The following CELF4 variants were observed in gnomAD, a reference collection of about 807,000 sequenced individuals.
CELF4 encodes CUGBP Elav-like family member 4.
CELF4 carries 18 observed loss-of-function variants against 59.9 expected under a neutral mutation model. That is an observed-to-expected ratio of 0.30 (90% CI 0.21 to 0.45). The LOEUF is 0.45. Ranked by LOEUF, CELF4 falls within the 20% of genes least tolerant of loss-of-function variation. The pLI, the probability that CELF4 is intolerant of heterozygous loss-of-function variation, is 1.00. For synonymous variants in CELF4, 261 were observed against 267.1 expected, an observed-to-expected ratio of 0.98 and a Z score of 0.22; for missense variants, 456 against 689.0, an observed-to-expected ratio of 0.66 and a Z score of 3.79.
At chr18:37,375,215 G>A (rs764180068) in intron 2 of CELF4, among the ~76,000 whole-genome samples, 3 of 152,200 alleles carry the variant, frequency 2.0e-5, no homozygotes, top group Non-Finnish European at 4.4e-5. Flanking sequence ...ACAGATACCT[G>A]CCATAAATCT....
chr18:37,297,812 T>A (rs538828294), intron 3 of CELF4, among the ~76,000 whole-genome samples: 8 of 152,248 alleles, frequency 5.3e-5, no homozygotes, highest in Non-Finnish European at 1.2e-4. Context: ...GTGCCTGGCT[T>A]CTTTCGCTCG....
intron 2 of CELF4, among the ~76,000 whole-genome samples, chr18:37,349,317 C>T (rs3865391): frequency 0.58 from 88,797 of 152,034 alleles, 27,359 homozygotes; most frequent in East Asian, 0.74. Flanking sequence ...AAGAGGGACA[C>T]GTTGGGGGGA....
intron 2 of CELF4, among the ~76,000 whole-genome samples, chr18:37,470,321 C>T (rs1217773793): frequency 6.6e-6 from 1 of 152,186 alleles, no homozygotes; most frequent in East Asian, 1.9e-4. Context: ...GTTACACAGG[C>T]TTTGCATCTG....
chr18:37,515,977 G>A (rs2099950210), intron 1 of CELF4, among the ~76,000 whole-genome samples: 1 of 152,138 alleles, frequency 6.6e-6, no homozygotes, highest in East Asian at 1.9e-4. Context: ...GGTGCATGGA[G>A]GCACTTGATG....
chr18:37,450,256 TGGGA>T (rs2099759475), intron 2 of CELF4, among the ~76,000 whole-genome samples: 1 of 152,018 alleles, frequency 6.6e-6, no homozygotes, highest in Non-Finnish European at 1.5e-5. Context: ...GTGTGAGTGT[TGGGA>T]GGAAGAAGCA....
chr18:37,548,783 G>A (rs1191316106), intron 1 of CELF4, among the ~76,000 whole-genome samples: 1 of 152,226 alleles, frequency 6.6e-6, no homozygotes, highest in Non-Finnish European at 1.5e-5. Context: ...ACTGGTCCGT[G>A]CGGGAGCCAG....
At chr18:37,528,176 A>G (rs1165942492) in intron 1 of CELF4, among the ~76,000 whole-genome samples, 1 of 152,228 alleles carries the variant, frequency 6.6e-6, no homozygotes, top group African/African-American at 2.4e-5. Flanking sequence ...CTGATAATAC[A>G]TAATGTGAGT....
intron 3 of CELF4, among the ~76,000 whole-genome samples, chr18:37,294,360 C>T (rs577335321): frequency 3.9e-5 from 6 of 152,302 alleles, no homozygotes; most frequent in Middle Eastern, 3.4e-3. Context: ...TAGATGTCAC[C>T]AGGAACCTCC....
chr18:37,465,507 C>T (rs2099805566), intron 2 of CELF4, among the ~76,000 whole-genome samples: 1 of 152,068 alleles, frequency 6.6e-6, no homozygotes, highest in Non-Finnish European at 1.5e-5. Context: ...TCAAAGGCCA[C>T]TGGGCAACCC....
intron 12 of CELF4, chr18:37,247,517 G>C (rs983665953): frequency 6.6e-6 from 1 of 152,006 alleles, no homozygotes; most frequent in African/African-American, 2.4e-5. Context: ...CCAGACCACA[G>C]CATCAATCTA....
chr18:37,510,801 C>A (rs891991052), intron 1 of CELF4, among the ~76,000 whole-genome samples: 7 of 152,202 alleles, frequency 4.6e-5, no homozygotes, highest in Non-Finnish European at 1.0e-4. Flanking sequence ...TGCACATGCT[C>A]CCCCTTTCAC....
At chr18:37,385,574 C>T (rs2099090434) in intron 2 of CELF4, among the ~76,000 whole-genome samples, 1 of 152,138 alleles carries the variant, frequency 6.6e-6, no homozygotes, top group Admixed American at 6.5e-5. Context: ...CTCCCCTCCC[C>T]TCCACCTCCC....
intron 8 of CELF4, among the ~76,000 whole-genome samples, chr18:37,270,143 G>A (rs1241573918): frequency 6.6e-6 from 1 of 152,054 alleles, no homozygotes; most frequent in South Asian, 2.1e-4. Context: ...GAGGAAAAAA[G>A]GTAATCAGGA....
intron 1 of CELF4, among the ~76,000 whole-genome samples, chr18:37,545,107 G>T (rs1163049305): frequency 1.3e-5 from 2 of 152,210 alleles, no homozygotes; most frequent in African/African-American, 4.8e-5. Flanking sequence ...AAGGGTCAGG[G>T]TCTGGCCTCA....
chr18:37,482,924 G>T (rs1603642324), intron 2 of CELF4, among the ~76,000 whole-genome samples: 1 of 152,160 alleles, frequency 6.6e-6, no homozygotes, highest in African/African-American at 2.4e-5. Flanking sequence ...GTCTGGAAAA[G>T]TGCCTAAATT....
chr18:37,312,417 C>G (rs1308602401), intron 3 of CELF4, among the ~76,000 whole-genome samples: 8 of 152,210 alleles, frequency 5.3e-5, no homozygotes, highest in Admixed American at 3.9e-4. Flanking sequence ...ACTGCCCGGC[C>G]ATGCTGTCTT....
At chr18:37,444,809 C>T (rs1025545044) in intron 2 of CELF4, among the ~76,000 whole-genome samples, 1 of 152,108 alleles carries the variant, frequency 6.6e-6, no homozygotes, top group Non-Finnish European at 1.5e-5. Flanking sequence ...TCTGCCTCCC[C>T]GTACCTCCCT....
intron 1 of CELF4, among the ~76,000 whole-genome samples, chr18:37,505,521 G>T (rs1261226483): frequency 6.6e-6 from 1 of 152,150 alleles, no homozygotes; most frequent in Non-Finnish European, 1.5e-5. Context: ...GTGGGTCAGG[G>T]CCAGGTGGGG....
chr18:37,494,542 T>G (rs960519555), intron 1 of CELF4, among the ~76,000 whole-genome samples: 13 of 152,244 alleles, frequency 8.5e-5, no homozygotes, highest in African/African-American at 3.1e-4. Context: ...CTTATGTGTG[T>G]TTTTTTGGCA....
Sources: allele counts gnomAD v4.1 joint callset (sites outside exome capture counted in the v4.1 genomes callset), GRCh38; gene constraint gnomAD v4.1.1; transcripts MANE v1.5; gene names NCBI Gene and HGNC (gene_info 2026-07-23, HGNC 2026-07-21).